HDGFL3: variants seen among roughly 807,000 people sequenced by gnomAD.
The protein encoded by HDGFL3 is hepatoma-derived growth factor-related protein 3.
HDGFL3 carries 6 observed loss-of-function variants against 27.6 expected under a neutral mutation model. The ratio of observed to expected loss-of-function variants is 0.22; its 90% CI spans 0.12 to 0.43. The LOEUF is 0.43. HDGFL3 is among the 20% of genes least tolerant of loss of function. The pLI, the probability that HDGFL3 is intolerant of heterozygous loss-of-function variation, is 1.00. For missense variants in HDGFL3, 207 were observed against 250.1 expected (o/e 0.83, Z 1.16); for synonymous variants, 88 against 88.9 (o/e 0.99, Z 0.05).
intron 5 of HDGFL3, among the ~76,000 whole-genome samples, chr15:83,147,777 C>T (rs1311520256): frequency 6.6e-6 from 1 of 152,120 alleles, no homozygotes; most frequent in Non-Finnish European, 1.5e-5. Context: ...TCTGATAAAG[C>T]TGACTACAAT....
At chr15:83,117,788 C>A (rs1465495700) in intron 3 of HDGFL3, among the ~76,000 whole-genome samples, 1 of 152,064 alleles carries the variant, frequency 6.6e-6, no homozygotes, top group Non-Finnish European at 1.5e-5. Context: ...AGAGGAACAA[C>A]ATGCCAAGAG....
At position 83,130,632 on chromosome 15, in the gene HDGFL3, T is replaced by A. The variant is rs529898595; in HGVS notation, c.*8638A>T. On this transcript the variant is annotated 3_prime_UTR_variant, in exon 6 of 6. Coordinates refer to ENST00000299633, the MANE Select transcript of HDGFL3 (RefSeq NM_016073.4). ...CAGCTCTTGGCTGAGCTTTAATATC[T>A]ACCCACTTATAGTGTGTAGGCTAAG... 10 of 152,360 alleles carry A rather than the reference T, an allele frequency of 6.6e-5. No individual in the cohort carries two copies. Among genetic ancestry groups the A allele is most frequent in the Admixed American group, 2.6e-4 (4 of 15,308 alleles). 9.4% of individuals were successfully genotyped at this position (152,360 alleles called of 1,614,324 possible).
chr15:83,170,153 C>T (rs2037228459), intron 1 of HDGFL3, among the ~76,000 whole-genome samples: 1 of 152,018 alleles, frequency 6.6e-6, no homozygotes, highest in African/African-American at 2.4e-5. Flanking sequence ...ACCCAAAGCA[C>T]TAAAGATTCA....
At chr15:83,112,787 G>C in exon 4 of HDGFL3, 1 of 1,604,242 alleles carries the variant, frequency 6.2e-7, no homozygotes, top group Non-Finnish European at 8.5e-7. Flanking sequence ...CCCTGTTCTG[G>C]TCGTTGCAGT....
intron 4 of HDGFL3, among the ~76,000 whole-genome samples, chr15:83,153,124 C>T (rs549437186): frequency 3.3e-5 from 5 of 151,784 alleles, no homozygotes; most frequent in Non-Finnish European, 5.9e-5. Flanking sequence ...CTTAGCCTCC[C>T]GAGTAGCTGG....
intron 1 of HDGFL3, among the ~76,000 whole-genome samples, chr15:83,202,199 A>C (rs577368868): frequency 7.9e-5 from 12 of 152,300 alleles, no homozygotes; most frequent in Middle Eastern, 6.8e-3. Flanking sequence ...CTGCAAATTT[A>C]ATCTATTGCT....
chr15:83,144,467 C>T (rs529233642), intron 5 of HDGFL3: 1 of 456,088 alleles, frequency 2.2e-6, no homozygotes, highest in South Asian at 1.5e-5. Context: ...AAAAGACTGA[C>T]TTCTGTTTGC....
At chr15:83,140,235 C>G (rs1198915881) in intron 5 of HDGFL3, among the ~76,000 whole-genome samples, 1 of 152,068 alleles carries the variant, frequency 6.6e-6, no homozygotes, top group Non-Finnish European at 1.5e-5. Context: ...AACTTCCATC[C>G]CCCTAAGATG....
intron 2 of HDGFL3, among the ~76,000 whole-genome samples, chr15:83,158,257 T>C (rs1357813207): frequency 1.3e-5 from 2 of 152,218 alleles, no homozygotes; most frequent in African/African-American, 2.4e-5. Flanking sequence ...GCCACCTGGA[T>C]TGTGCTACTT....
intron 2 of HDGFL3, among the ~76,000 whole-genome samples, chr15:83,159,612 T>C (rs1596552266): frequency 1.3e-5 from 2 of 152,184 alleles, no homozygotes; most frequent in Non-Finnish European, 2.9e-5. Flanking sequence ...TTTATAATTA[T>C]AGATATACAG....
At chr15:83,112,903 A>G (rs1202922443) in exon 4 of HDGFL3, 3 of 1,605,692 alleles carry the variant, frequency 1.9e-6, no homozygotes, top group Middle Eastern at 1.6e-4. Flanking sequence ...GTTCTATGGT[A>G]CGTCTCCACA....
chr15:83,122,040 T>A (rs1391829123), intron 3 of HDGFL3: 1 of 1,491,438 alleles, frequency 6.7e-7, no homozygotes, highest in Non-Finnish European at 9.3e-7. Flanking sequence ...TTTCCTTTTC[T>A]AAAACAATGG....
At chr15:83,120,825 C>T (rs2151359267) in intron 3 of HDGFL3, among the ~76,000 whole-genome samples, 1 of 152,046 alleles carries the variant, frequency 6.6e-6, no homozygotes, top group Non-Finnish European at 1.5e-5. Flanking sequence ...CTCAGCCTCC[C>T]AAAGTGCTGG....
intron 5 of HDGFL3, among the ~76,000 whole-genome samples, chr15:83,147,282 G>A (rs767388664): frequency 2.0e-5 from 3 of 151,952 alleles, no homozygotes; most frequent in Non-Finnish European, 4.4e-5. Context: ...GGATGGTCTC[G>A]ATCTCTTGAT....
intron 1 of HDGFL3, chr15:83,169,143 C>T (rs762305701): frequency 2.4e-6 from 1 of 409,522 alleles, no homozygotes; most frequent in Non-Finnish European, 4.9e-6. Context: ...ATATGATAAA[C>T]CCACAGCCAA....
rs779388488 is a variant in HDGFL3, at chr15:83,136,630, A to G, written c.*2640T>C. 1.2e-6 allele frequency: 2 copies of G among 1,606,670 alleles called. No homozygotes were observed. Among genetic ancestry groups the G allele is most frequent in the African/African-American group, 1.3e-5 (1 of 74,508 alleles). ...TGGCCTATCGTTGTATCTACAAACC[A>G]GAGTTCTTCATAAAAACAAAGGCAG... On this transcript the variant is annotated 3_prime_UTR_variant, in exon 6 of 6. Coordinates refer to ENST00000299633, the MANE Select transcript of HDGFL3 (RefSeq NM_016073.4).
intron 1 of HDGFL3, among the ~76,000 whole-genome samples, chr15:83,173,546 C>T (rs1188728362): frequency 6.6e-6 from 1 of 152,136 alleles, no homozygotes; most frequent in African/African-American, 2.4e-5. Context: ...CTACTTTTAC[C>T]AATATGTTTC....
chr15:83,206,958 C>A (rs1388529345), intron 1 of HDGFL3, among the ~76,000 whole-genome samples: 1 of 152,246 alleles, frequency 6.6e-6, no homozygotes. Flanking sequence ...CCCCGACGTT[C>A]GCCCGGGACC....
intron 3 of HDGFL3, 30 bp from the exon 4 acceptor site, chr15:83,157,603 C>T: frequency 1.3e-6 from 2 of 1,573,596 alleles, no homozygotes; most frequent in Non-Finnish European, 1.7e-6. Flanking sequence ...TAGCTGATTA[C>T]ATTTTTGAAA....
Sources: gnomAD v4.1 joint callset for allele counts (sites outside exome capture counted in the v4.1 genomes callset) on GRCh38, gnomAD v4.1.1 for gene constraint, MANE v1.5 for transcripts, NCBI Gene and HGNC (gene_info 2026-07-23, HGNC 2026-07-21) for gene names.